Variants in VPS13D observed in about 807,000 individuals in gnomAD.
VPS13D encodes intermembrane lipid transfer protein VPS13D.
A neutral mutation model predicts 461.9 loss-of-function variants in VPS13D; 187 were observed. The ratio of observed to expected loss-of-function variants is 0.40; its 90% CI spans 0.36 to 0.46. VPS13D has a LOEUF of 0.46. VPS13D is among the 20% of genes least tolerant of loss of function. The pLI is 0.60. For missense variants in VPS13D, 4,711 were observed against 5,364.9 expected, an observed-to-expected ratio of 0.88 and a Z score of 3.81; for synonymous variants, 1,951 against 1,986.3, an observed-to-expected ratio of 0.98 and a Z score of 0.47.
chr1:12,396,696 A>G (rs1394390440), intron 60 of VPS13D, among the ~76,000 whole-genome samples: 1 of 152,122 alleles, frequency 6.6e-6, no homozygotes, highest in Non-Finnish European at 1.5e-5. Context: ...TTCCATCCAG[A>G]TTGTCGAGGC....
At chr1:12,452,846 G>A (rs545409668) in intron 65 of VPS13D, among the ~76,000 whole-genome samples, 1 of 152,318 alleles carries the variant, frequency 6.6e-6, no homozygotes, top group South Asian at 2.1e-4. Context: ...GTATTTCTAG[G>A]GGTGAAGACT....
intron 67 of VPS13D, among the ~76,000 whole-genome samples, chr1:12,488,473 T>G (rs999240234): frequency 6.6e-6 from 1 of 152,188 alleles, no homozygotes; most frequent in Non-Finnish European, 1.5e-5. Flanking sequence ...TCCTTTATAC[T>G]ACTTTGTTCT....
chr1:12,429,346 G>T (rs952928577), intron 65 of VPS13D, among the ~76,000 whole-genome samples: 7 of 151,646 alleles, frequency 4.6e-5, no homozygotes, highest in African/African-American at 1.7e-4. Flanking sequence ...AGGCTGGAGT[G>T]CAGTGGTGTG....
intron 60 of VPS13D, 67 bp from the exon 61 acceptor site, chr1:12,400,114 C>T (rs945988515): frequency 3.6e-5 from 57 of 1,564,430 alleles, no homozygotes; most frequent in East Asian, 2.7e-4. Context: ...CCCACTCAAG[C>T]GTAAAAATGA....
chr1:12,466,317 G>A (rs1487631147), intron 67 of VPS13D, among the ~76,000 whole-genome samples: 1 of 152,060 alleles, frequency 6.6e-6, no homozygotes, highest in Non-Finnish European at 1.5e-5. Context: ...AACTTCCAAA[G>A]GTAAAGATTG....
Position 12,266,964 on chromosome 1 carries a change from C to T in VPS13D, c.1678C>T (p.Leu560=). The T allele has an allele frequency of 6.2e-7, 1 of 1,610,644 alleles. No individual in the cohort carries two copies. The highest frequency in any genetic ancestry group is 8.5e-7 in the Non-Finnish European group (1 of 1,179,020). The part of the protein sequence containing the change: ...VRLGGLFLRD[L]ATEGTMFPLL... ...GTTGGGTGGACTGTTTCTTCGAGAC[C>T]TGGCTACAGAAGGAACTATGTTTCC... Residue 560 remains leucine (L), a synonymous_variant, in exon 14 of 70, where the codon CTG becomes TTG. Coordinates refer to ENST00000620676, the MANE Select transcript of VPS13D (RefSeq NM_015378.4).
rs1038039365 is a variant in VPS13D, at chr1:12,400,972, A to G, written c.11785-636A>G. On this transcript the variant is annotated intron_variant, in intron 61 of 69. Coordinates refer to ENST00000620676, the MANE Select transcript of VPS13D (RefSeq NM_015378.4). ...TGCACCTGCGCGCGCGCACACACAC[A>G]CACACACACACACACACACACACAC... Among the ~76,000 whole-genome samples the G allele has an allele frequency of 2.1e-3, 313 of 147,320 alleles. 1 individual carries two copies. Among genetic ancestry groups the G allele is most frequent in the African/African-American group, 7.8e-3 (296 of 37,886 alleles).
At chr1:12,378,320 C>A in intron 55 of VPS13D, 108 bp from the exon 56 acceptor site, 1 of 1,010,964 alleles carries the variant, frequency 9.9e-7, no homozygotes, top group African/African-American at 1.6e-5. Context: ...TCTAAATAAA[C>A]TTCCTATATG....
At chr1:12,481,637 A>G (rs377524651) in intron 67 of VPS13D, among the ~76,000 whole-genome samples, 2 of 152,244 alleles carry the variant, frequency 1.3e-5, no homozygotes, top group East Asian at 1.9e-4. Context: ...CACCACCTGG[A>G]TCATTAATTC....
chr1:12,415,412 C>T (rs1557765934), intron 64 of VPS13D, among the ~76,000 whole-genome samples, 191 bp downstream of exon 64: 1 of 152,132 alleles, frequency 6.6e-6, no homozygotes, highest in Non-Finnish European at 1.5e-5. Context: ...GTACATTTGA[C>T]CTATGAGCTG....
intron 54 of VPS13D, among the ~76,000 whole-genome samples, chr1:12,371,689 G>T (rs1557739034): frequency 6.6e-6 from 1 of 152,026 alleles, no homozygotes; most frequent in Non-Finnish European, 1.5e-5. Context: ...CACTGCTCCT[G>T]GCCCATTTTT....
At chr1:12,393,622 A>G (rs908449100) in intron 60 of VPS13D, among the ~76,000 whole-genome samples, 1 of 152,168 alleles carries the variant, frequency 6.6e-6, no homozygotes, top group Non-Finnish European at 1.5e-5. Context: ...TGTGGTGGGA[A>G]TCACCACCCC....
chr1:12,354,565 G>GA (rs1643869965), intron 47 of VPS13D, among the ~76,000 whole-genome samples: 2 of 152,174 alleles, frequency 1.3e-5, no homozygotes, highest in East Asian at 3.9e-4. Context: ...AAAAGGATGA[G>GA]AAAAAACTTA....
intron 57 of VPS13D, among the ~76,000 whole-genome samples, chr1:12,380,165 A>G (rs1334363645): frequency 6.6e-6 from 1 of 152,192 alleles, no homozygotes; most frequent in Non-Finnish European, 1.5e-5. Context: ...TATGTTTTTC[A>G]TGGCTTACCT....
chr1:12,353,301 A>G (rs901431157), intron 46 of VPS13D, among the ~76,000 whole-genome samples: 3 of 152,102 alleles, frequency 2.0e-5, no homozygotes, highest in African/African-American at 7.2e-5. Flanking sequence ...TGGGAGGCCA[A>G]GGCAGGCAGA....
chr1:12,347,878 G>A (rs1367717138), intron 44 of VPS13D, among the ~76,000 whole-genome samples: 2 of 152,180 alleles, frequency 1.3e-5, no homozygotes, highest in African/African-American at 4.8e-5. Context: ...CATGGTATTA[G>A]CACAAAATGT....
chr1:12,262,230 C>T (rs966884049), intron 13 of VPS13D, 150 bp downstream of exon 13: 9 of 869,874 alleles, frequency 1.0e-5, no homozygotes, highest in Non-Finnish European at 1.5e-5. Flanking sequence ...AGGGGAAATA[C>T]TGGGTTAGGT....
chr1:12,323,827 G>C, intron 35 of VPS13D, 47 bp downstream of exon 35: 1 of 1,581,456 alleles, frequency 6.3e-7, no homozygotes, highest in Non-Finnish European at 8.7e-7. Flanking sequence ...TTGATGATAT[G>C]CTTCCTTCCC....
chr1:12,277,171 A>G lies in VPS13D; in HGVS notation c.3583A>G (p.Thr1195Ala), dbSNP rs769624851. Residue 1195 changes from threonine to alanine, a missense_variant, in exon 19 of 70, where the codon ACT becomes GCT. Thr to Ala is a moderately conservative substitution (Grantham distance 58, BLOSUM62 0). This residue lies in a region of VPS13D where 4,411 missense variants were observed against 4,937.8 expected (regional missense o/e 0.89). Transcript: ENST00000620676. ...NREKYGRKIATASIGGTKVNV... is the reference protein window; with the variant it reads ...NREKYGRKIAAASIGGTKVNV... ...AGAGAAATATGGCAGAAAAATTGCA[A>G]CTGCAAGTATAGGTGGCACCAAAGT... 3 of 1,614,122 alleles carry G rather than the reference A, an allele frequency of 1.9e-6. No homozygotes were observed. Among genetic ancestry groups the G allele is most frequent in the African/African-American group, 2.7e-5 (2 of 74,948 alleles).
Sources: allele counts gnomAD v4.1 joint callset (sites outside exome capture counted in the v4.1 genomes callset), GRCh38; gene constraint gnomAD v4.1.1; regional missense constraint gnomAD v4.1.1; transcripts MANE v1.5; gene names NCBI Gene and HGNC (gene_info 2026-07-23, HGNC 2026-07-21).